VPS8: variants seen among roughly 807,000 people sequenced by gnomAD.
The protein encoded by VPS8 is vacuolar protein sorting-associated protein 8 homolog.
A neutral mutation model predicts 216.4 loss-of-function variants in VPS8; 129 were observed. The observed-to-expected ratio is 0.60, with a 90% confidence interval of 0.52 to 0.69. VPS8 has a LOEUF of 0.69. VPS8 is among the 30% of genes least tolerant of loss of function. The pLI, the probability that VPS8 is intolerant of heterozygous loss-of-function variation, is 0.00. For missense variants in VPS8, 1,531 were observed against 1,683.5 expected, an observed-to-expected ratio of 0.91 and a Z score of 1.59; for synonymous variants, 571 against 565.4, an observed-to-expected ratio of 1.01 and a Z score of -0.14.
At chr3:185,008,363 A>G (rs1348788126) in intron 45 of VPS8, among the ~76,000 whole-genome samples, 1 of 152,210 alleles carries the variant, frequency 6.6e-6, no homozygotes, top group African/African-American at 2.4e-5. Flanking sequence ...GCCAAACACT[A>G]TTCTTGGTAT....
chr3:185,013,740 T>C (rs753184591), intron 45 of VPS8, among the ~76,000 whole-genome samples: 4 of 152,182 alleles, frequency 2.6e-5, no homozygotes, highest in Admixed American at 6.5e-5. Context: ...TTCCAGATAA[T>C]AGGAACTCTT....
intron 8 of VPS8, 142 bp from the exon 9 acceptor site, chr3:184,848,929 A>T: frequency 2.3e-6 from 2 of 874,352 alleles, no homozygotes. Flanking sequence ...TTGCTCAATA[A>T]ATATATTTAA....
At position 184,893,357 on chromosome 3, in the gene VPS8, C is replaced by CATG. The variant is rs755069127; in HGVS notation, c.1782-1343_1782-1341dup. On this transcript the variant is annotated intron_variant, in intron 22 of 47. Coordinates refer to ENST00000625842, the MANE Select transcript of VPS8 (RefSeq NM_001009921.3). ...ACCATTTACCACTTTCTACAATTGA[C>CATG]ATGATATACATATAAAGAAATTACA... The CATG allele has an allele frequency of 1.1e-4, 133 of 1,228,116 alleles. 4 individuals are homozygous for CATG. The South Asian group carries it at 1.8e-3, about 16-fold the overall frequency. The allele number at this position is 1,228,116 out of a possible 1,614,324, so 76.1% of individuals were successfully genotyped here. A position where few individuals can be genotyped will look rare whatever the true frequency, so the allele number is the denominator to read the frequency against.
chr3:184,817,977 T>C (rs904221551), intron 1 of VPS8, among the ~76,000 whole-genome samples: 2 of 152,010 alleles, frequency 1.3e-5, no homozygotes, highest in African/African-American at 4.8e-5. Flanking sequence ...GAAGAGGTCA[T>C]AGGCAGATCC....
intron 21 of VPS8, among the ~76,000 whole-genome samples, chr3:184,884,229 G>C (rs140814300): frequency 0.014 from 2,136 of 149,654 alleles, 46 homozygotes; most frequent in African/African-American, 0.045. Context: ...CCCAGCCCCC[G>C]ACCCGCCGAC....
At chr3:184,950,733 A>G (rs1744552947) in intron 36 of VPS8, among the ~76,000 whole-genome samples, 1 of 151,838 alleles carries the variant, frequency 6.6e-6, no homozygotes, top group Non-Finnish European at 1.5e-5. Context: ...CCACCCTCCA[A>G]CAGGCCCTGG....
At chr3:184,911,883 T>C (rs1030385653) in intron 25 of VPS8, among the ~76,000 whole-genome samples, 1 of 152,202 alleles carries the variant, frequency 6.6e-6, no homozygotes, top group Non-Finnish European at 1.5e-5. Context: ...ACAAACCATG[T>C]ATGAAGTTCC....
chr3:184,991,411 C>T (rs895931898), intron 42 of VPS8, among the ~76,000 whole-genome samples: 3 of 152,104 alleles, frequency 2.0e-5, no homozygotes, highest in African/African-American at 4.8e-5. Flanking sequence ...CTTTGAGCTC[C>T]CTTTTGCATT....
At chr3:184,828,860 A>G (rs1371814090) in intron 3 of VPS8, among the ~76,000 whole-genome samples, 2 of 152,226 alleles carry the variant, frequency 1.3e-5, no homozygotes, top group Non-Finnish European at 2.9e-5. Context: ...GCCGAACATT[A>G]CTAGTACCCT....
chr3:184,939,264 A>G (rs1443175013), intron 35 of VPS8, among the ~76,000 whole-genome samples: 1 of 152,140 alleles, frequency 6.6e-6, no homozygotes, highest in African/African-American at 2.4e-5. Flanking sequence ...GTCATGTAAA[A>G]TAACACAAAG....
chr3:184,976,196 C>T (rs937880902), intron 40 of VPS8, among the ~76,000 whole-genome samples: 2 of 152,116 alleles, frequency 1.3e-5, no homozygotes, highest in Admixed American at 1.3e-4. Context: ...TCTTCACATA[C>T]CTACTAATTT....
chr3:185,034,610 TTG>T (rs533632583), intron 46 of VPS8, among the ~76,000 whole-genome samples: 8 of 37,678 alleles, frequency 2.1e-4, no homozygotes, highest in African/African-American at 1.3e-3. Context: ...GTTGATAGTT[TTG>T]TTGTTGTTGT....
intron 28 of VPS8, among the ~76,000 whole-genome samples, chr3:184,917,561 C>A (rs1288319714): frequency 2.0e-5 from 3 of 152,100 alleles, no homozygotes; most frequent in African/African-American, 7.2e-5. Context: ...TCCCCAGTAG[C>A]CAGGATTATA....
chr3:184,972,748 G>A (rs1748631077), intron 40 of VPS8, among the ~76,000 whole-genome samples: 1 of 152,232 alleles, frequency 6.6e-6, no homozygotes, highest in Non-Finnish European at 1.5e-5. Flanking sequence ...TTACAGCAGT[G>A]AAGCAGAAAC....
chr3:184,999,704 A>G lies in VPS8; in HGVS notation c.3845A>G (p.His1282Arg), dbSNP rs1426287928. ...TTGCCTTCGTTTTGCAGCTGTGGCC[A>G]TTTGTATCACTCATTCTGCCTACAA... is the stretch of plus-strand genomic sequence containing the variant. Reference protein sequence around the residue: ...ADEIIVFSCGHLYHSFCLQNK... With the variant: ...ADEIIVFSCGRLYHSFCLQNK... Residue 1282 changes from histidine to arginine, a missense_variant, in exon 45 of 48, where the codon CAT becomes CGT. Physicochemically the swap from His to Arg is conservative, Grantham distance 29 (BLOSUM62 0). This residue lies in a region of VPS8 where 1,318 missense variants were observed against 1,468.4 expected (regional missense o/e 0.90). Transcript: ENST00000625842. 1 of 1,606,858 alleles carries G rather than the reference A, an allele frequency of 6.2e-7. No homozygotes were observed. Among genetic ancestry groups the G allele is most frequent in the Admixed American group, 1.7e-5 (1 of 58,072 alleles).
chr3:184,849,747 G>C, intron 9 of VPS8, 189 bp from the exon 10 acceptor site: 1 of 574,336 alleles, frequency 1.7e-6, no homozygotes, highest in African/African-American at 1.9e-5. Context: ...CAGGATGAAG[G>C]GTAAATGAAG....
intron 7 of VPS8, chr3:184,840,122 T>C: frequency 6.1e-6 from 1 of 164,378 alleles, no homozygotes; most frequent in Non-Finnish European, 1.3e-5. Flanking sequence ...CTAAAAGATC[T>C]TCAGGAAAAC....
chr3:184,886,662 C>G (rs2108876319), intron 22 of VPS8, among the ~76,000 whole-genome samples: 1 of 152,148 alleles, frequency 6.6e-6, no homozygotes, highest in East Asian at 1.9e-4. Flanking sequence ...TCACTGCAAC[C>G]TCCGCCTCCC....
intron 42 of VPS8, among the ~76,000 whole-genome samples, chr3:184,993,568 G>A (rs2109848455): frequency 6.6e-6 from 1 of 152,186 alleles, no homozygotes; most frequent in Middle Eastern, 3.4e-3. Context: ...CAATTGAGTT[G>A]GTTAGGGGCA....
Sources: gnomAD v4.1 joint callset for allele counts (sites outside exome capture counted in the v4.1 genomes callset) on GRCh38, gnomAD v4.1.1 for gene constraint, gnomAD v4.1.1 regional missense constraint, MANE v1.5 for transcripts, NCBI Gene and HGNC (gene_info 2026-07-23, HGNC 2026-07-21) for gene names.